The following NBAS variants were observed in gnomAD, a reference collection of about 807,000 sequenced individuals.
NBAS encodes NBAS subunit of NRZ tethering complex.
NBAS carries 219 observed loss-of-function variants against 302.5 expected under a neutral mutation model. That is an observed-to-expected ratio of 0.72 (90% CI 0.65 to 0.81). The LOEUF (loss-of-function observed/expected upper bound fraction) is 0.81. NBAS is among the 30% of genes least tolerant of loss of function. NBAS has a pLI of 0.00. For missense variants in NBAS, 2,932 were observed against 2,841.6 expected, an observed-to-expected ratio of 1.03 and a Z score of -0.72; for synonymous variants, 1,118 against 1,021.6, an observed-to-expected ratio of 1.09 and a Z score of -1.80.
chr2:15,247,678 CTCTA>C (rs1207675890), intron 44 of NBAS, among the ~76,000 whole-genome samples: 3 of 150,828 alleles, frequency 2.0e-5, no homozygotes, highest in Admixed American at 6.6e-5. Flanking sequence ...CTCTCTCTCT[CTCTA>C]TATATATATC....
At chr2:15,258,208 C>T (rs182928607) in intron 44 of NBAS, among the ~76,000 whole-genome samples, 13 of 152,212 alleles carry the variant, frequency 8.5e-5, no homozygotes, top group East Asian at 1.9e-4. Flanking sequence ...CTGTTATCTT[C>T]GTAAGCTGAG....
At chr2:15,278,680 C>A (rs1669697080) in intron 42 of NBAS, among the ~76,000 whole-genome samples, 2 of 152,130 alleles carry the variant, frequency 1.3e-5, no homozygotes, top group South Asian at 4.1e-4. Context: ...GAGCTCCCAT[C>A]CAAATTTGAA....
At chr2:15,170,133 C>A (rs1313103213) in intron 51 of NBAS, among the ~76,000 whole-genome samples, 1 of 152,184 alleles carries the variant, frequency 6.6e-6, no homozygotes, top group Non-Finnish European at 1.5e-5. Flanking sequence ...CTCTGGGAGC[C>A]CGACAGTCTC....
the NBAS span, among the ~76,000 whole-genome samples, chr2:14,873,838 A>G: frequency 7.4e-6 from 1 of 135,900 alleles, no homozygotes; most frequent in African/African-American, 3.6e-5. Flanking sequence ...AATATATTGC[A>G]TTACATTTTT....
intron 40 of NBAS, among the ~76,000 whole-genome samples, chr2:15,305,497 G>A (rs1670993484): frequency 1.3e-5 from 2 of 148,904 alleles, no homozygotes; most frequent in South Asian, 4.3e-4. Flanking sequence ...TTGTTGCCCA[G>A]GCGGAGTGCA....
chr2:15,383,175 T>G lies in NBAS; in HGVS notation c.3360+40A>C, dbSNP rs756675643. The G allele has an allele frequency of 6.2e-6, 9 of 1,462,562 alleles. No individual in the cohort carries two copies. The East Asian group carries it at 2.0e-4, about 33-fold the overall frequency. The allele number at this position is 1,462,562 out of a possible 1,614,324, so 90.6% of individuals were successfully genotyped here. ...TCCAATAAACCATAACAATTAAAATTGTTAAATTAAAAAAAAATCGTATAT... is the reference window on the plus strand; with the variant it reads ...TCCAATAAACCATAACAATTAAAATGGTTAAATTAAAAAAAAATCGTATAT... On this transcript the variant is annotated intron_variant, in intron 29 of 51. Coordinates refer to ENST00000281513, the MANE Select transcript of NBAS (RefSeq NM_015909.4).
At chr2:15,378,067 G>C (rs939577324) in intron 30 of NBAS, among the ~76,000 whole-genome samples, 10 of 152,164 alleles carry the variant, frequency 6.6e-5, no homozygotes, top group Admixed American at 2.0e-4. Context: ...TAATTTGCTA[G>C]AGACCATAGC....
At chr2:15,487,751 A>C (rs185736619) in intron 12 of NBAS, among the ~76,000 whole-genome samples, 2 of 152,280 alleles carry the variant, frequency 1.3e-5, no homozygotes, top group East Asian at 3.9e-4. Context: ...AGTTAGCTAT[A>C]ATTTCAGAGC....
the NBAS span, among the ~76,000 whole-genome samples, chr2:15,032,727 G>T: frequency 2.0e-3 from 308 of 152,292 alleles, 9 homozygotes; most frequent in Admixed American, 1.5e-3. Flanking sequence ...CCATGGGTGT[G>T]AACCACGGAC....
At chr2:14,949,069 C>G in the NBAS span, among the ~76,000 whole-genome samples, 1 of 152,102 alleles carries the variant, frequency 6.6e-6, no homozygotes, top group African/African-American at 2.4e-5. Flanking sequence ...ACCCCTATAA[C>G]TTGCCACACA....
At chr2:15,248,828 C>T (rs1316523938) in intron 44 of NBAS, among the ~76,000 whole-genome samples, 1 of 152,006 alleles carries the variant, frequency 6.6e-6, no homozygotes, top group African/African-American at 2.4e-5. Flanking sequence ...AATAGCCTCC[C>T]AACCAAAAAA....
chr2:14,993,723 C>T, the NBAS span, among the ~76,000 whole-genome samples: 1 of 152,148 alleles, frequency 6.6e-6, no homozygotes, highest in Non-Finnish European at 1.5e-5. Flanking sequence ...AAACTAAATC[C>T]AACTCAAACA....
intron 30 of NBAS, among the ~76,000 whole-genome samples, chr2:15,377,523 T>A (rs568434336): frequency 3.3e-5 from 5 of 152,320 alleles, no homozygotes; most frequent in Non-Finnish European, 2.9e-5. Flanking sequence ...CCTACTATTA[T>A]CCACATTTTA....
At chr2:15,119,906 A>G in the NBAS span, among the ~76,000 whole-genome samples, 2 of 152,178 alleles carry the variant, frequency 1.3e-5, no homozygotes, top group Non-Finnish European at 2.9e-5. Flanking sequence ...CAGATGAGGA[A>G]GCCCTCACAA....
chr2:15,261,667 C>T (rs1241471880), intron 44 of NBAS, among the ~76,000 whole-genome samples: 1 of 152,112 alleles, frequency 6.6e-6, no homozygotes, highest in Non-Finnish European at 1.5e-5. Context: ...CTAATACATT[C>T]CTAAGTTTTT....
At chr2:14,888,516 T>C in the NBAS span, among the ~76,000 whole-genome samples, 3 of 152,122 alleles carry the variant, frequency 2.0e-5, no homozygotes, top group East Asian at 5.8e-4. Context: ...ATGATTTCTC[T>C]ATATCCATCA....
At chr2:14,805,298 G>C in the NBAS span, among the ~76,000 whole-genome samples, 1 of 152,244 alleles carries the variant, frequency 6.6e-6, no homozygotes, top group East Asian at 1.9e-4. Context: ...GTGTCGCAAA[G>C]GAATGGCAAT....
chr2:15,424,911 G>A (rs186888299), intron 22 of NBAS, among the ~76,000 whole-genome samples: 1 of 151,978 alleles, frequency 6.6e-6, no homozygotes, highest in Admixed American at 6.6e-5. Flanking sequence ...TCTTGTTTTC[G>A]ATGTTCATAA....
chr2:15,494,175 T>C (rs1028580358), intron 11 of NBAS, among the ~76,000 whole-genome samples: 1 of 152,210 alleles, frequency 6.6e-6, no homozygotes, highest in African/African-American at 2.4e-5. Context: ...ACATTCCTCG[T>C]TTTTATTTTA....
Sources: gnomAD v4.1 joint callset for allele counts (sites outside exome capture counted in the v4.1 genomes callset) on GRCh38, gnomAD v4.1.1 for gene constraint, MANE v1.5 for transcripts, NCBI Gene and HGNC (gene_info 2026-07-23, HGNC 2026-07-21) for gene names.